FABP12: variants seen among roughly 807,000 people sequenced by gnomAD.
FABP12 encodes the protein fatty acid-binding protein 12.
A neutral mutation model predicts 13.7 loss-of-function variants in FABP12; 19 were observed. The observed-to-expected ratio is 1.39, with a 90% CI of 0.97 to 2.04. The LOEUF is 2.04. FABP12 is among the 30% of genes most tolerant of loss of function. The pLI is 0.00. For missense variants in FABP12, 182 were observed against 164.2 expected, an observed-to-expected ratio of 1.11 and a Z score of -0.59; for synonymous variants, 61 against 57.0, an observed-to-expected ratio of 1.07 and a Z score of -0.32.
chr8:81,534,414 T>C (rs916280784), upstream of FABP12, among the ~76,000 whole-genome samples: 2 of 152,234 alleles, frequency 1.3e-5, no homozygotes, highest in Non-Finnish European at 2.9e-5. Context: ...ATTTGTCTTT[T>C]GGAAAAGATT....
At chr8:81,532,747 G>A (rs1014801103) in intron 1 of FABP12, among the ~76,000 whole-genome samples, 1 of 152,238 alleles carries the variant, frequency 6.6e-6, no homozygotes, top group Admixed American at 6.5e-5. Flanking sequence ...CTTGAACCCA[G>A]GAAGCAGAGG....
At chr8:81,576,911 C>T (rs1425205031) in intron 1 of FABP12, among the ~76,000 whole-genome samples, 2 of 152,090 alleles carry the variant, frequency 1.3e-5, no homozygotes, top group Non-Finnish European at 2.9e-5. Context: ...TAAATGATTC[C>T]ATCTAAAAGT....
chr8:81,570,775 G>A (rs1809915486), intron 1 of FABP12, among the ~76,000 whole-genome samples: 1 of 152,148 alleles, frequency 6.6e-6, no homozygotes, highest in South Asian at 2.1e-4. Flanking sequence ...GCTAAACCCG[G>A]GACTTTTATT....
chr8:81,582,063 T>G (rs188033002), intron 1 of FABP12, among the ~76,000 whole-genome samples: 63 of 151,500 alleles, frequency 4.2e-4, no homozygotes, highest in African/African-American at 1.4e-3. Flanking sequence ...CAGTAATAAC[T>G]TTGAATGTTA....
At chr8:81,527,912 T>TTGTAC (rs1808950403) in intron 3 of FABP12, among the ~76,000 whole-genome samples, 1 of 151,828 alleles carries the variant, frequency 6.6e-6, no homozygotes, top group South Asian at 2.1e-4. Flanking sequence ...TGAGCCAAGA[T>TTGTAC]TGTACCACCG....
intron 1 of FABP12, among the ~76,000 whole-genome samples, chr8:81,561,641 G>A (rs1718194657): frequency 6.6e-6 from 1 of 152,186 alleles, no homozygotes. Context: ...CATGGGGGAA[G>A]GAGGGCACGG....
intron 1 of FABP12, among the ~76,000 whole-genome samples, chr8:81,568,000 G>A (rs960123038): frequency 6.6e-6 from 1 of 152,162 alleles, no homozygotes; most frequent in Non-Finnish European, 1.5e-5. Flanking sequence ...GCGGGCTCCT[G>A]TAGTCCCAGC....
intron 1 of FABP12, among the ~76,000 whole-genome samples, chr8:81,541,141 G>C (rs1809331211): frequency 6.6e-6 from 1 of 150,470 alleles, no homozygotes; most frequent in African/African-American, 2.4e-5. Flanking sequence ...ACTGCAGCCT[G>C]GTTGACAGAG....
intron 1 of FABP12, among the ~76,000 whole-genome samples, chr8:81,545,305 G>A (rs1809419438): frequency 6.6e-6 from 1 of 152,218 alleles, no homozygotes; most frequent in African/African-American, 2.4e-5. Context: ...ACTAAAGGGA[G>A]TCACTGGGAA....
At chr8:81,544,092 AG>A (rs1440974637) in intron 1 of FABP12, among the ~76,000 whole-genome samples, 10 of 152,212 alleles carry the variant, frequency 6.6e-5, no homozygotes, top group African/African-American at 2.4e-4. Context: ...TAAGAGGAGC[AG>A]GTACAGAACT....
At chr8:81,527,946 C>T (rs1055825183) in intron 3 of FABP12, among the ~76,000 whole-genome samples, 1 of 151,922 alleles carries the variant, frequency 6.6e-6, no homozygotes, top group Admixed American at 6.6e-5. Flanking sequence ...GCAACAGAGA[C>T]CCTGTCTCAA....
chr8:81,546,403 C>T (rs922166852), intron 1 of FABP12, among the ~76,000 whole-genome samples: 8 of 151,834 alleles, frequency 5.3e-5, no homozygotes, highest in Non-Finnish European at 1.2e-4. Context: ...CCTGTAATCC[C>T]AGCACTTTGG....
chr8:81,587,819 A>G (rs2130116024), intron 1 of FABP12, among the ~76,000 whole-genome samples: 1 of 152,242 alleles, frequency 6.6e-6, no homozygotes, highest in African/African-American at 2.4e-5. Flanking sequence ...GTGTTGACTC[A>G]GGCAATCACA....
At chr8:81,547,711 C>T (rs1809457905) in intron 1 of FABP12, among the ~76,000 whole-genome samples, 1 of 152,260 alleles carries the variant, frequency 6.6e-6, no homozygotes, top group Non-Finnish European at 1.5e-5. Flanking sequence ...ACACATTTCA[C>T]GTGTATTAAG....
intron 4 of FABP12, among the ~76,000 whole-genome samples, chr8:81,525,555 TGATAGATAGATA>T (rs571165240): frequency 1.3e-5 from 2 of 148,324 alleles, no homozygotes; most frequent in African/African-American, 5.2e-5. Context: ...GATAGATAGA[TGATAGATAGATA>T]GATAGATAGA....
At chr8:81,525,200 C>A in intron 4 of FABP12, 80 bp from the exon 5 acceptor site, 1 of 887,674 alleles carries the variant, frequency 1.1e-6, no homozygotes. Context: ...TAAGTACTAT[C>A]CACACATACA....
chr8:81,528,560 C>A (rs1388897902), intron 3 of FABP12, among the ~76,000 whole-genome samples: 1 of 152,110 alleles, frequency 6.6e-6, no homozygotes, highest in Non-Finnish European at 1.5e-5. Context: ...TATAGTTTAA[C>A]AATCCTCTAT....
rs35386904 is a variant in FABP12, at chr8:81,539,433, C to CTTTTTTT, written c.-59+178_-59+184dup. 5.3e-3 allele frequency among the ~76,000 whole-genome samples: 265 copies of CTTTTTTT among 50,022 alleles called. 2 individuals carry two copies. Among genetic ancestry groups the CTTTTTTT allele is most frequent in the East Asian group, 7.4e-3 (10 of 1,356 alleles). 32.8% of individuals were successfully genotyped at this position (50,022 alleles called of 152,430 possible). ...AAACATTTTCCTTACTTCTTTAGTTCTTTTTTTTTTTTTTTTTTTTTTTTT... is the reference window on the plus strand; with the variant it reads ...AAACATTTTCCTTACTTCTTTAGTTCTTTTTTTTTTTTTTTTTTTTTTTTTTTTTTTT... On this transcript the variant is annotated intron_variant, in intron 2 of 5. Transcript: ENST00000692030.
At chr8:81,535,536 G>A (rs546566482), upstream of FABP12, among the ~76,000 whole-genome samples, 9 of 152,234 alleles carry the variant, frequency 5.9e-5, no homozygotes, top group South Asian at 4.1e-4. Context: ...CAGACCTACC[G>A]GACCTACTGA....
Sources: gnomAD v4.1 joint callset for allele counts (sites outside exome capture counted in the v4.1 genomes callset) on GRCh38, gnomAD v4.1.1 for gene constraint, MANE v1.5 for transcripts, NCBI Gene and HGNC (gene_info 2026-07-23, HGNC 2026-07-21) for gene names.